The following RASSF3 variants were observed in gnomAD, a reference collection of about 807,000 sequenced individuals.
RASSF3 encodes the protein ras association domain-containing protein 3.
In RASSF3, 19 loss-of-function variants were observed where a neutral mutation model predicts 19.9. That is an observed-to-expected ratio of 0.96 (90% CI 0.67 to 1.40). The LOEUF is 1.40. Among genes scored for constraint, RASSF3 ranks in the 40% most tolerant of loss-of-function variants. The pLI is 0.00. For synonymous variants in RASSF3, 110 were observed against 104.2 expected (o/e 1.06, Z -0.34); for missense variants, 306 against 289.8 (o/e 1.06, Z -0.41).
chr12:64,615,780 T>C (rs2136157780), intron 1 of RASSF3, among the ~76,000 whole-genome samples: 1 of 152,068 alleles, frequency 6.6e-6, no homozygotes, highest in South Asian at 2.1e-4. Flanking sequence ...TTCAAATGAT[T>C]CTCCTGCCTC....
chr12:64,586,262 G>A (rs148613492), intron 2 of RASSF3, among the ~76,000 whole-genome samples: 2,656 of 151,102 alleles, frequency 0.018, 90 homozygotes, highest in African/African-American at 0.061. Flanking sequence ...AGGCGGAGGC[G>A]GCAGTGAGCC....
At chr12:64,527,806 A>G (rs1868620307) in intron 1 of RASSF3, among the ~76,000 whole-genome samples, 1 of 151,916 alleles carries the variant, frequency 6.6e-6, no homozygotes, top group Non-Finnish European at 1.5e-5. Flanking sequence ...ATGGTGGCAC[A>G]TGGCTGTAAT....
At chr12:64,662,005 A>G (rs1474684225) in intron 1 of RASSF3, among the ~76,000 whole-genome samples, 1 of 140,408 alleles carries the variant, frequency 7.1e-6, no homozygotes, top group African/African-American at 2.7e-5. Flanking sequence ...AAAAAAAAAA[A>G]GTGTATTAAG....
rs1871421224 is a variant in RASSF3, at chr12:64,639,033, G to A, written c.111+28290G>A. 2.0e-5 allele frequency among the ~76,000 whole-genome samples: 3 copies of A among 152,330 alleles called. No individual in the cohort carries two copies. In the South Asian group the frequency reaches 6.2e-4, roughly 32 times the overall value. ...AAGGCCTGGAACTGCTTAGTCATAGGGAAGGGGCTGTGTCTTCATGTTCAT... is the reference window on the plus strand; with the variant it reads ...AAGGCCTGGAACTGCTTAGTCATAGAGAAGGGGCTGTGTCTTCATGTTCAT... On this transcript the variant is annotated intron_variant, in intron 1 of 4. Transcript: ENST00000542104.
intron 2 of RASSF3, among the ~76,000 whole-genome samples, chr12:64,687,270 G>A (rs545515342): frequency 6.6e-6 from 1 of 152,070 alleles, no homozygotes. Flanking sequence ...CCAAAGTGCT[G>A]AGATTACAGA....
intron 1 of RASSF3, chr12:64,507,524 G>A: frequency 2.7e-6 from 1 of 372,844 alleles, no homozygotes; most frequent in Non-Finnish European, 4.8e-6. Context: ...TGAGGCTGAT[G>A]TATTAGAAGC....
chr12:64,644,432 A>G (rs113503471), intron 1 of RASSF3, among the ~76,000 whole-genome samples: 2,467 of 152,214 alleles, frequency 0.016, 66 homozygotes, highest in African/African-American at 0.057. Flanking sequence ...AAGGTGGCTC[A>G]TGTCTATAAT....
At chr12:64,608,112 G>T (rs544936184), upstream of RASSF3, among the ~76,000 whole-genome samples, 5 of 151,782 alleles carry the variant, frequency 3.3e-5, no homozygotes, top group South Asian at 2.1e-4. Context: ...TAGAGAAAAG[G>T]TCTCACTATG....
chr12:64,667,072 G>T (rs1592456616), intron 1 of RASSF3, among the ~76,000 whole-genome samples: 1 of 151,992 alleles, frequency 6.6e-6, no homozygotes, highest in African/African-American at 2.4e-5. Context: ...AGGCTCAGCT[G>T]GGCTGGGGGC....
intron 1 of RASSF3, among the ~76,000 whole-genome samples, chr12:64,540,624 G>T (rs1868918856): frequency 6.6e-6 from 1 of 152,128 alleles, no homozygotes; most frequent in African/African-American, 2.4e-5. Flanking sequence ...AAGAAATGAA[G>T]AACTGATATA....
chr12:64,570,054 T>C (rs1869493552), intron 2 of RASSF3, among the ~76,000 whole-genome samples: 1 of 152,186 alleles, frequency 6.6e-6, no homozygotes, highest in South Asian at 2.1e-4. Context: ...GACTTTCTTC[T>C]CCTCACCCCT....
At chr12:64,678,360 A>T (rs1327531983) in intron 1 of RASSF3, among the ~76,000 whole-genome samples, 1 of 152,198 alleles carries the variant, frequency 6.6e-6, no homozygotes, top group Non-Finnish European at 1.5e-5. Flanking sequence ...TTCAGAATCT[A>T]GCCTCACTTG....
chr12:64,553,695 G>C (rs1183589709), intron 2 of RASSF3, among the ~76,000 whole-genome samples: 1 of 152,126 alleles, frequency 6.6e-6, no homozygotes, highest in Non-Finnish European at 1.5e-5. Flanking sequence ...AAGTTGTCTG[G>C]ACTGAGTGCA....
chr12:64,666,631 C>T (rs188264043), intron 1 of RASSF3, among the ~76,000 whole-genome samples: 20 of 152,244 alleles, frequency 1.3e-4, no homozygotes, highest in Non-Finnish European at 2.4e-4. Context: ...TAACAGAATA[C>T]TTTACAAAGC....
At chr12:64,538,551 T>A (rs1868876529) in intron 1 of RASSF3, among the ~76,000 whole-genome samples, 1 of 152,152 alleles carries the variant, frequency 6.6e-6, no homozygotes, top group Non-Finnish European at 1.5e-5. Context: ...ACTGTGCCAT[T>A]TCTTACAATT....
intron 2 of RASSF3, among the ~76,000 whole-genome samples, chr12:64,601,698 A>C (rs1280053511): frequency 1.3e-5 from 2 of 152,008 alleles, no homozygotes; most frequent in East Asian, 3.9e-4. Context: ...CTGTAGTCCC[A>C]GCTACTCAGG....
At chr12:64,685,794 G>T in intron 2 of RASSF3, among the ~76,000 whole-genome samples, 1 of 152,306 alleles carries the variant, frequency 6.6e-6, no homozygotes, top group East Asian at 1.9e-4. Flanking sequence ...AGCTGACAGC[G>T]GAGCTAGAGT....
intron 1 of RASSF3, among the ~76,000 whole-genome samples, chr12:64,624,579 G>A (rs1870918873): frequency 6.6e-6 from 1 of 151,452 alleles, no homozygotes; most frequent in Non-Finnish European, 1.5e-5. Flanking sequence ...CTGGCAAATC[G>A]TTGTACCTCT....
chr12:64,641,687 T>C (rs1302208982), intron 1 of RASSF3, among the ~76,000 whole-genome samples: 4 of 151,610 alleles, frequency 2.6e-5, no homozygotes, highest in Non-Finnish European at 5.9e-5. Context: ...ATTTAAGCGG[T>C]TGAATATCAG....
Sources: allele counts gnomAD v4.1 joint callset (sites outside exome capture counted in the v4.1 genomes callset), GRCh38; gene constraint gnomAD v4.1.1; transcripts MANE v1.5; gene names NCBI Gene and HGNC (gene_info 2026-07-23, HGNC 2026-07-21).